Variants in GRID2 observed in about 807,000 individuals in gnomAD.
The protein encoded by GRID2 is glutamate ionotropic receptor delta type subunit 2, also known as glutamate receptor ionotropic, delta-2.
Under a neutral mutation model 114.8 loss-of-function variants are expected in GRID2, and 33 were observed. That is an observed-to-expected ratio of 0.29 (90% CI 0.22 to 0.38). GRID2 has a LOEUF of 0.38. Among genes scored for constraint, GRID2 ranks in the 10% least tolerant of loss-of-function variants. GRID2 has a pLI of 1.00. For missense variants in GRID2, 1,184 were observed against 1,257.7 expected (o/e 0.94, Z 0.89); for synonymous variants, 505 against 449.9 (o/e 1.12, Z -1.55).
chr4:93,790,796 G>A (rs1734679670), intron 1 of GRID2, among the ~76,000 whole-genome samples: 1 of 152,158 alleles, frequency 6.6e-6, no homozygotes, highest in African/African-American at 2.4e-5. Flanking sequence ...CTAAAAGCCA[G>A]GGTTCACATC....
Position 92,900,936 on chromosome 4 carries a change from C to G in GRID2, c.245-184059C>G, listed in dbSNP as rs368627782. The stretch of plus-strand genomic sequence containing the variant: ...TGTTTTATGACTGAGTAGTATTCGT[C>G]TGTGTGTGTGTGTATTTCCCATTTT... On this transcript the variant is annotated intron_variant, in intron 2 of 15. Coordinates refer to ENST00000282020, the MANE Select transcript of GRID2 (RefSeq NM_001510.4). Among the ~76,000 whole-genome samples the G allele has an allele frequency of 2.8e-3, 418 of 149,872 alleles. 3 individuals carry two copies. The highest frequency in any genetic ancestry group is 9.8e-3 in the African/African-American group (400 of 40,700).
chr4:92,967,867 C>G (rs766445249), intron 2 of GRID2, among the ~76,000 whole-genome samples: 1 of 151,816 alleles, frequency 6.6e-6, no homozygotes, highest in Admixed American at 6.6e-5. Flanking sequence ...CACTGGCCCT[C>G]CACTCCGAAG....
intron 9 of GRID2, among the ~76,000 whole-genome samples, chr4:93,398,394 C>T (rs1400860830): frequency 2.6e-5 from 4 of 151,112 alleles, no homozygotes; most frequent in African/African-American, 4.9e-5. Flanking sequence ...AGATTCTAGA[C>T]GTTAACCCCT....
chr4:92,721,219 C>G (rs1364607770), intron 2 of GRID2, among the ~76,000 whole-genome samples: 2 of 152,000 alleles, frequency 1.3e-5, no homozygotes, highest in East Asian at 1.9e-4. Flanking sequence ...AAGGAATAAG[C>G]TCTGGAGAAA....
chr4:92,998,770 A>G (rs1755358299), intron 2 of GRID2, among the ~76,000 whole-genome samples: 1 of 151,820 alleles, frequency 6.6e-6, no homozygotes. Flanking sequence ...AAAACCCAAT[A>G]AGCTCACTTT....
chr4:93,069,443 T>A (rs1353630365), intron 2 of GRID2, among the ~76,000 whole-genome samples: 1 of 152,080 alleles, frequency 6.6e-6, no homozygotes, highest in South Asian at 2.1e-4. Context: ...ATATTATAAA[T>A]AGATTTCATC....
At chr4:93,356,194 T>C (rs1488161871) in intron 8 of GRID2, among the ~76,000 whole-genome samples, 1 of 152,128 alleles carries the variant, frequency 6.6e-6, no homozygotes, top group East Asian at 1.9e-4. Flanking sequence ...GGTAAGACAC[T>C]GTGCTACTTC....
At chr4:93,708,839 C>CT (rs1359763318) in intron 14 of GRID2, among the ~76,000 whole-genome samples, 2 of 150,382 alleles carry the variant, frequency 1.3e-5, no homozygotes, top group East Asian at 3.9e-4. Context: ...TAATTTCTTG[C>CT]TTTTTATTTT....
At chr4:92,551,911 A>T (rs1336730892) in intron 1 of GRID2, among the ~76,000 whole-genome samples, 1 of 152,116 alleles carries the variant, frequency 6.6e-6, no homozygotes, top group African/African-American at 2.4e-5. Flanking sequence ...TCTCTCCAGT[A>T]GAAAGGAATA....
intron 2 of GRID2, among the ~76,000 whole-genome samples, chr4:92,792,365 T>A (rs1376779902): frequency 7.9e-5 from 12 of 151,560 alleles, no homozygotes; most frequent in Non-Finnish European, 1.5e-4. Flanking sequence ...TAATACCTCG[T>A]GTGAGACACT....
Position 92,692,094 on chromosome 4 carries a change from C to T in GRID2, c.244+101808C>T, listed in dbSNP as rs150162355. 8.8e-3 allele frequency among the ~76,000 whole-genome samples: 1,332 copies of T among 152,026 alleles called. 19 individuals are homozygous for T. The Middle Eastern group carries it at 0.088, about 10-fold the overall frequency. On this transcript the variant is annotated intron_variant, in intron 2 of 15. Coordinates refer to ENST00000282020, the MANE Select transcript of GRID2 (RefSeq NM_001510.4). The stretch of plus-strand genomic sequence containing the variant: ...TATTCCAATTTTAATATATTAGAGC[C>T]CCCTACCAACATTTTTGAAGCAAAA...
At chr4:93,552,393 C>A (rs1733850540) in intron 13 of GRID2, among the ~76,000 whole-genome samples, 1 of 151,920 alleles carries the variant, frequency 6.6e-6, no homozygotes, top group African/African-American at 2.4e-5. Context: ...GGGTATATAC[C>A]CAGTAATGGG....
intron 10 of GRID2, among the ~76,000 whole-genome samples, chr4:93,445,138 T>C (rs996213758): frequency 4.6e-5 from 7 of 152,082 alleles, no homozygotes; most frequent in Non-Finnish European, 8.8e-5. Context: ...CTTATTCTTA[T>C]CTTCCTCCTT....
chr4:93,751,500 G>C (rs1190192820), intron 14 of GRID2, among the ~76,000 whole-genome samples: 1 of 152,088 alleles, frequency 6.6e-6, no homozygotes, highest in Non-Finnish European at 1.5e-5. Flanking sequence ...TCTGGTTCTT[G>C]GGGGGAAATG....
At chr4:92,444,005 T>G (rs1733289289) in intron 1 of GRID2, among the ~76,000 whole-genome samples, 1 of 152,108 alleles carries the variant, frequency 6.6e-6, no homozygotes, top group African/African-American at 2.4e-5. Context: ...GAGAAAGTGG[T>G]TGAGGGACAG....
intron 13 of GRID2, among the ~76,000 whole-genome samples, chr4:93,530,417 A>G (rs1041864480): frequency 8.5e-5 from 13 of 152,252 alleles, no homozygotes; most frequent in African/African-American, 3.1e-4. Context: ...CACATGCCAT[A>G]CATTACTATC....
At chr4:93,605,522 C>T (rs1417782608) in intron 13 of GRID2, among the ~76,000 whole-genome samples, 1 of 152,158 alleles carries the variant, frequency 6.6e-6, no homozygotes, top group Non-Finnish European at 1.5e-5. Flanking sequence ...TCTGTCACAA[C>T]ATTCCGTTAT....
At chr4:93,447,980 G>A (rs990146410) in intron 10 of GRID2, among the ~76,000 whole-genome samples, 3 of 151,976 alleles carry the variant, frequency 2.0e-5, no homozygotes, top group Admixed American at 2.0e-4. Context: ...ACATAGTAAA[G>A]TATTACCAAA....
intron 2 of GRID2, among the ~76,000 whole-genome samples, chr4:92,694,549 T>C (rs1005762472): frequency 6.8e-6 from 1 of 146,064 alleles, no homozygotes; most frequent in Non-Finnish European, 1.5e-5. Context: ...ATATTCAGAT[T>C]ATAAGTGGAG....
Sources: gnomAD v4.1 joint callset for allele counts (sites outside exome capture counted in the v4.1 genomes callset) on GRCh38, gnomAD v4.1.1 for gene constraint, MANE v1.5 for transcripts, NCBI Gene and HGNC (gene_info 2026-07-23, HGNC 2026-07-21) for gene names.